Variants in MDGA2 observed in about 807,000 individuals in gnomAD.
MDGA2 encodes the protein MAM domain containing glycosylphosphatidylinositol anchor 2, also known as MAM domain-containing glycosylphosphatidylinositol anchor protein 2.
In MDGA2, 40 loss-of-function variants were observed where a neutral mutation model predicts 117.8. The ratio of observed to expected loss-of-function variants is 0.34; its 90% CI spans 0.26 to 0.44. The LOEUF is 0.44. Ranked by LOEUF, MDGA2 falls within the 20% of genes least tolerant of loss-of-function variation. MDGA2 has a pLI of 1.00. For synonymous variants in MDGA2, 452 were observed against 439.0 expected (o/e 1.03, Z -0.37); for missense variants, 1,123 against 1,250.6 (o/e 0.90, Z 1.54).
chr14:47,167,945 A>G (rs1278291780), intron 3 of MDGA2, among the ~76,000 whole-genome samples: 1 of 152,144 alleles, frequency 6.6e-6, no homozygotes, highest in East Asian at 1.9e-4. Context: ...TTTATTGCAT[A>G]TTTCCATTTG....
intron 1 of MDGA2, among the ~76,000 whole-genome samples, chr14:47,546,608 T>C (rs1362027051): frequency 6.6e-6 from 1 of 152,178 alleles, no homozygotes; most frequent in Non-Finnish European, 1.5e-5. Context: ...AAGTTTTGCT[T>C]TGCCACTAAC....
At chr14:47,074,685 C>T (rs1890426551) in intron 6 of MDGA2, among the ~76,000 whole-genome samples, 1 of 152,186 alleles carries the variant, frequency 6.6e-6, no homozygotes, top group Non-Finnish European at 1.5e-5. Context: ...TGTATACAAC[C>T]TATTCTGACC....
chr14:47,605,013 G>A lies in MDGA2; in HGVS notation c.280+69504C>T, dbSNP rs1186018957. ...TAAACCACTAAACTTGGTTGGGGGGGGTGTATGCTGTGAACGCATGCATAA... is the reference window on the plus strand; with the variant it reads ...TAAACCACTAAACTTGGTTGGGGGGAGTGTATGCTGTGAACGCATGCATAA... On this transcript the variant is annotated intron_variant, in intron 1 of 16. Transcript: ENST00000399232. Among the ~76,000 whole-genome samples, 4 of 152,012 alleles carry A rather than the reference G, an allele frequency of 2.6e-5. No homozygotes were observed. The East Asian group carries it at 5.8e-4, about 22-fold the overall frequency.
intron 7 of MDGA2, among the ~76,000 whole-genome samples, chr14:47,050,122 C>G (rs1055054184): frequency 2.0e-5 from 3 of 151,970 alleles, no homozygotes; most frequent in Non-Finnish European, 4.4e-5. Context: ...TGAGCCCATT[C>G]CACTGAAAGA....
In MDGA2 at chr14:47,207,295, G is replaced by GA. The variant is rs574421485; in HGVS notation, c.595+10725dup. Among the ~76,000 whole-genome samples the GA allele has an allele frequency of 1.1e-4, 16 of 151,896 alleles. No individual in the cohort carries two copies. The East Asian group carries it at 3.1e-3, about 29-fold the overall frequency. On this transcript the variant is annotated intron_variant, in intron 3 of 16. Coordinates refer to ENST00000399232, the MANE Select transcript of MDGA2 (RefSeq NM_001113498.3). Reference sequence around the variant, plus strand: ...GGAATTTAATTTCAACAGAATAGGAGAAAAAATAAGCAGAGGGGCTTGGAT... The same window carrying GA: ...GGAATTTAATTTCAACAGAATAGGAGAAAAAAATAAGCAGAGGGGCTTGGAT...
chr14:46,910,466 C>A, intron 10 of MDGA2, among the ~76,000 whole-genome samples: 1 of 152,078 alleles, frequency 6.6e-6, no homozygotes, highest in East Asian at 1.9e-4. Flanking sequence ...GGAACTGTTC[C>A]TATGGTCCTT....
intron 3 of MDGA2, among the ~76,000 whole-genome samples, chr14:47,165,153 T>A (rs572067149): frequency 7.2e-5 from 11 of 152,102 alleles, no homozygotes; most frequent in Admixed American, 6.6e-4. Flanking sequence ...CTGATGTAAA[T>A]GACAAGTTAA....
intron 9 of MDGA2, among the ~76,000 whole-genome samples, chr14:46,920,905 T>G (rs1884102599): frequency 6.6e-6 from 1 of 152,154 alleles, no homozygotes; most frequent in East Asian, 1.9e-4. Context: ...TAATAAAAGA[T>G]CTGGTCAATA....
Position 47,540,563 on chromosome 14 carries a change from T to TATATACACACAC in MDGA2, c.280+133953_280+133954insGTGTGTGTATAT, listed in dbSNP as rs370481455. 2.6e-3 allele frequency among the ~76,000 whole-genome samples: 292 copies of TATATACACACAC among 112,502 alleles called. 3 individuals are homozygous for TATATACACACAC. Among genetic ancestry groups the TATATACACACAC allele is most frequent in the African/African-American group, 8.1e-3 (276 of 34,126 alleles). The allele number at this position is 112,502 out of a possible 152,430, so 73.8% of individuals were successfully genotyped here. ...GTGTATATATATATATGTATATATA[T>TATATACACACAC]ACACACACACATAGAGAGAGAGACA... is the stretch of plus-strand genomic sequence containing the variant. On this transcript the variant is annotated intron_variant, in intron 1 of 16. Transcript: ENST00000399232.
At chr14:47,407,945 C>T (rs190245797) in intron 1 of MDGA2, among the ~76,000 whole-genome samples, 1 of 152,186 alleles carries the variant, frequency 6.6e-6, no homozygotes, top group Admixed American at 6.5e-5. Flanking sequence ...ATAATGATTT[C>T]CCAGAGATGT....
intron 1 of MDGA2, among the ~76,000 whole-genome samples, chr14:47,337,107 AC>A (rs1890482731): frequency 6.6e-6 from 1 of 151,998 alleles, no homozygotes; most frequent in African/African-American, 2.4e-5. Context: ...TTACATTTCA[AC>A]CCTAATACTA....
intron 10 of MDGA2, among the ~76,000 whole-genome samples, chr14:46,903,862 A>G (rs1015662212): frequency 6.6e-6 from 1 of 152,218 alleles, no homozygotes; most frequent in Non-Finnish European, 1.5e-5. Flanking sequence ...AAGTTGAAAT[A>G]AAATTGAATA....
chr14:47,173,080 G>A (rs899152852), intron 3 of MDGA2, among the ~76,000 whole-genome samples: 8 of 152,244 alleles, frequency 5.3e-5, no homozygotes, highest in Non-Finnish European at 8.8e-5. Context: ...GAAATGAAGC[G>A]AGAAGGGAAG....
chr14:47,101,124 GACA>G (rs1479968322), intron 5 of MDGA2, among the ~76,000 whole-genome samples: 2 of 54,194 alleles, frequency 3.7e-5, no homozygotes, highest in African/African-American at 1.9e-4. Flanking sequence ...TAGATAGATA[GACA>G]GATAGATAGA....
At chr14:47,464,122 C>T (rs963278281) in intron 1 of MDGA2, among the ~76,000 whole-genome samples, 7 of 151,576 alleles carry the variant, frequency 4.6e-5, no homozygotes, top group Admixed American at 3.9e-4. Flanking sequence ...CACACACACA[C>T]ACACACACAC....
chr14:47,050,869 G>C (rs1034132730), intron 7 of MDGA2, among the ~76,000 whole-genome samples: 1 of 151,928 alleles, frequency 6.6e-6, no homozygotes, highest in Non-Finnish European at 1.5e-5. Context: ...GGACTGGCAA[G>C]GAGACTCTAA....
chr14:46,871,928 C>G (rs2933208), intron 14 of MDGA2: 377,268 of 386,752 alleles, frequency 0.98, 184,682 homozygotes, highest in East Asian at 1. Context: ...TGGGAAGATT[C>G]CTTGAGACCA....
chr14:47,635,643 G>A (rs988316746), intron 1 of MDGA2, among the ~76,000 whole-genome samples: 1 of 152,048 alleles, frequency 6.6e-6, no homozygotes, highest in East Asian at 1.9e-4. Context: ...TCAATTTCTG[G>A]GTACAAAGGA....
In MDGA2 at chr14:46,864,562, T is replaced by G. The variant is rs1480702585; in HGVS notation, c.2752+8871A>C. 1.0e-3 allele frequency among the ~76,000 whole-genome samples: 129 copies of G among 124,038 alleles called. 2 individuals carry two copies. Among genetic ancestry groups the G allele is most frequent in the Middle Eastern group, 3.8e-3 (1 of 266 alleles). 81.4% of individuals were successfully genotyped at this position (124,038 alleles called of 152,430 possible). On this transcript the variant is annotated intron_variant, in intron 14 of 16. Coordinates refer to ENST00000399232, the MANE Select transcript of MDGA2 (RefSeq NM_001113498.3). ...ATATTGCTGTTTTTTTTTTTTTTTT[T>G]TTTTTTTTTTACAAATTAAAGGTTT...
Sources: gnomAD v4.1 joint callset for allele counts (sites outside exome capture counted in the v4.1 genomes callset) on GRCh38, gnomAD v4.1.1 for gene constraint, MANE v1.5 for transcripts, NCBI Gene and HGNC (gene_info 2026-07-23, HGNC 2026-07-21) for gene names.